The following UNC80 variants were observed in gnomAD, a reference collection of about 807,000 sequenced individuals.
UNC80 encodes unc-80 subunit of NALCN channel complex.
Under a neutral mutation model 384.6 loss-of-function variants are expected in UNC80, and 164 were observed. That is an observed-to-expected ratio of 0.43 (90% confidence interval 0.38 to 0.49). The LOEUF (loss-of-function observed/expected upper bound fraction) is 0.49, where lower values mean the gene tolerates loss of function less well. Ranked by LOEUF, UNC80 falls within the 20% of genes least tolerant of loss-of-function variation. The probability of loss-of-function intolerance (pLI) is 0.00; values close to 1 mark genes in which losing one functional copy is unlikely to be tolerated. For missense variants in UNC80, 3,330 were observed against 4,143.0 expected, an observed-to-expected ratio of 0.80 and a Z score of 5.39; for synonymous variants, 1,486 against 1,527.8, an observed-to-expected ratio of 0.97 and a Z score of 0.64.
intron 28 of UNC80, among the ~76,000 whole-genome samples, chr2:209,904,491 A>G (rs562062288): frequency 2.9e-4 from 44 of 152,358 alleles, no homozygotes; most frequent in African/African-American, 9.9e-4. Context: ...TTTGGAAACC[A>G]TACACTCCAC....
Position 209,913,953 on chromosome 2 carries a change from C to A in UNC80, c.5029+13C>A, listed in dbSNP as rs770793116. 9 of 1,535,270 alleles carry A rather than the reference C, an allele frequency of 5.9e-6. No individual in the cohort carries two copies. The East Asian group carries it at 1.5e-4, about 25-fold the overall frequency. On this transcript the variant is annotated intron_variant, in intron 31 of 64. Transcript: ENST00000673920. ...GCAGGGGCAGCAGGTAAAGAAAGAC[C>A]ACCTGGAACCCTGTGCCTGCTGCCA...
chr2:209,825,800 C>T, intron 13 of UNC80, 107 bp from the exon 14 acceptor site: 2 of 1,050,908 alleles, frequency 1.9e-6, no homozygotes, highest in Non-Finnish European at 2.5e-6. Flanking sequence ...GCAGGTGCTC[C>T]CTGTAAAACA....
chr2:209,863,046 C>T (rs1356520060), intron 22 of UNC80, among the ~76,000 whole-genome samples: 5 of 152,300 alleles, frequency 3.3e-5, no homozygotes, highest in African/African-American at 1.2e-4. Flanking sequence ...TGAAATTCCT[C>T]AGCATTTGCT....
intron 59 of UNC80, among the ~76,000 whole-genome samples, 162 bp downstream of exon 59, chr2:209,978,870 GC>G (rs1420505885): frequency 6.6e-6 from 1 of 152,178 alleles, no homozygotes; most frequent in Non-Finnish European, 1.5e-5. Flanking sequence ...GATTCCTAAT[GC>G]CTGCATTTCT....
chr2:209,894,265 G>A lies in UNC80; in HGVS notation c.4379G>A (p.Arg1460Gln), dbSNP rs1179408225. The A allele has an allele frequency of 5.1e-6, 5 of 985,264 alleles. No individual in the cohort carries two copies. The African/African-American group carries it at 5.2e-5, about 10-fold the overall frequency. 61.0% of individuals were successfully genotyped at this position (985,264 alleles called of 1,614,324 possible). A position where few individuals can be genotyped will look rare whatever the true frequency, so the allele number is the denominator to read the frequency against. The change falls in exon 27 of 65, where the codon CGG becomes CAG. Residue 1460 changes from arginine (R) to glutamine (Q), a missense_variant. Physicochemically the swap from Arg to Gln is conservative, Grantham distance 43. Coordinates refer to ENST00000673920, the MANE Select transcript of UNC80 (RefSeq NM_001371986.1). Reference protein sequence around the residue: ...KKGGSLSSIRRVGSLKSSKLS... With the variant: ...KKGGSLSSIRQVGSLKSSKLS... ...GGGGGTTCCTTGTCCAGCATTCGCC[G>A]GGTCGGCAGCTTAAAGAGCAGCAAG... is the stretch of plus-strand genomic sequence containing the variant.
At chr2:209,945,298 C>A in intron 46 of UNC80, 109 bp downstream of exon 46, 3 of 1,158,270 alleles carry the variant, frequency 2.6e-6, no homozygotes, top group South Asian at 2.4e-5. Flanking sequence ...GTATATATAA[C>A]TAAATCAAAG....
chr2:209,862,649 CTTTTTTT>C (rs71043955), intron 22 of UNC80, among the ~76,000 whole-genome samples: 2 of 78,822 alleles, frequency 2.5e-5, no homozygotes, highest in South Asian at 4.9e-4. Context: ...GCAACCTCTG[CTTTTTTT>C]TTTTTTTTTT....
At chr2:209,932,584 C>G (rs1365322642) in intron 38 of UNC80, among the ~76,000 whole-genome samples, 1 of 152,166 alleles carries the variant, frequency 6.6e-6, no homozygotes. Flanking sequence ...TTTAGCTCCG[C>G]AACAAAAATA....
intron 36 of UNC80, 78 bp from the exon 37 acceptor site, chr2:209,929,793 T>G: frequency 8.9e-7 from 1 of 1,127,312 alleles, no homozygotes; most frequent in Non-Finnish European, 1.2e-6. Context: ...AGACTAAAGC[T>G]TGTAAATTGT....
Position 209,880,963 on chromosome 2 carries a change from A to G in UNC80, c.3979A>G (p.Thr1327Ala). 6.4e-7 allele frequency: 1 copy of G among 1,551,946 alleles called. No individual in the cohort carries two copies. Among genetic ancestry groups the G allele is most frequent in the Non-Finnish European group, 8.7e-7 (1 of 1,147,006 alleles). ...GAAAGAACACTTTCATTTCCTAGGT[A>G]CTGTGAACCCCTCTAAATGCGGTTG... ...DEEEDFLDDSTVNPSKCGCPF... is the reference protein window; with the variant it reads ...DEEEDFLDDSAVNPSKCGCPF... Residue 1327 changes from threonine to alanine, a missense_variant and splice_region_variant, in exon 25 of 65, where the codon ACT becomes GCT. By Grantham distance (58) the Thr-to-Ala change is moderately conservative. Around this residue, in one of 8 missense-constraint regions of UNC80, gnomAD observed 801 missense variants for 950.8 expected, o/e 0.84. Transcript: ENST00000673920.
intron 12 of UNC80, among the ~76,000 whole-genome samples, chr2:209,819,894 A>AGGAAATCATT (rs1388934581): frequency 6.6e-6 from 1 of 152,244 alleles, no homozygotes; most frequent in African/African-American, 2.4e-5. Context: ...AACGAGCAAA[A>AGGAAATCATT]GGAAATCATT....
chr2:209,982,150 G>T, intron 59 of UNC80, 29 bp from the exon 60 acceptor site: 1 of 1,543,154 alleles, frequency 6.5e-7, no homozygotes, highest in Non-Finnish European at 8.8e-7. Flanking sequence ...CATAGTTTTT[G>T]TAACACTCTA....
intron 7 of UNC80, 97 bp from the exon 8 acceptor site, chr2:209,813,479 ATAAC>A: frequency 7.9e-7 from 1 of 1,265,566 alleles, no homozygotes; most frequent in Non-Finnish European, 1.1e-6. Flanking sequence ...AAGTAAATGA[ATAAC>A]TAAACAAATG....
chr2:209,909,698 A>T (rs1201134836), intron 29 of UNC80, among the ~76,000 whole-genome samples: 1 of 152,182 alleles, frequency 6.6e-6, no homozygotes, highest in Non-Finnish European at 1.5e-5. Flanking sequence ...TTGGTTTTGC[A>T]TTGGTAATCT....
At position 209,850,543 on chromosome 2, in the gene UNC80, CTG is replaced by C. The variant is rs1406008779; in HGVS notation, c.3627+923_3627+924del. Among the ~76,000 whole-genome samples, 3 of 152,206 alleles carry C rather than the reference CTG, an allele frequency of 2.0e-5. No individual in the cohort carries two copies. The East Asian group carries it at 5.8e-4, about 29-fold the overall frequency. On this transcript the variant is annotated intron_variant, in intron 22 of 64. Coordinates refer to ENST00000673920, the MANE Select transcript of UNC80 (RefSeq NM_001371986.1). Reference sequence around the variant, plus strand: ...TTATAATGTAATTCATGAAATTTCTCTGTGACATTTGCAGCTTTTGCTCTAAG... The same window carrying C: ...TTATAATGTAATTCATGAAATTTCTCTGACATTTGCAGCTTTTGCTCTAAG...
At chr2:209,969,989 C>T (rs1409927243) in intron 53 of UNC80, 98 bp downstream of exon 53, 2 of 1,441,914 alleles carry the variant, frequency 1.4e-6, no homozygotes, top group Admixed American at 2.3e-5. Flanking sequence ...ACTTTGTGCC[C>T]CTATCTGCCC....
In UNC80 at chr2:209,888,082, A is replaced by G; in HGVS notation, c.4111-13A>G. The G allele has an allele frequency of 5.2e-6, 8 of 1,551,566 alleles. No homozygotes were observed. The highest frequency in any genetic ancestry group is 4.8e-5 in the South Asian group (4 of 84,058). On this transcript the variant is annotated splice_polypyrimidine_tract_variant and intron_variant, in intron 25 of 64. Coordinates refer to ENST00000673920, the MANE Select transcript of UNC80 (RefSeq NM_001371986.1). ...AGATGCCAGCACTCATGTGCTCCTCACTGGCATTTTAGGACTTGGAGAGCT... is the reference window on the plus strand; with the variant it reads ...AGATGCCAGCACTCATGTGCTCCTCGCTGGCATTTTAGGACTTGGAGAGCT...
rs575136465 is a variant in UNC80, at chr2:209,791,096, T to C, written c.798+1491T>C. ...TTATGTTGCTCAGATGTTTTCTTTA[T>C]TGTTTATGACCACTACTATCCTCTA... On this transcript the variant is annotated intron_variant, in intron 6 of 64. Coordinates refer to ENST00000673920, the MANE Select transcript of UNC80 (RefSeq NM_001371986.1). Among the ~76,000 whole-genome samples the C allele has an allele frequency of 1.3e-4, 20 of 152,336 alleles. No homozygotes were observed. In the South Asian group the frequency reaches 4.1e-3, roughly 32 times the overall value.
chr2:209,850,400 T>G (rs538776306), intron 22 of UNC80, among the ~76,000 whole-genome samples: 1 of 152,266 alleles, frequency 6.6e-6, no homozygotes, highest in East Asian at 1.9e-4. Flanking sequence ...TGAAATAGAT[T>G]TTTATTAGAA....
Sources: allele counts gnomAD v4.1 joint callset (sites outside exome capture counted in the v4.1 genomes callset), GRCh38; gene constraint gnomAD v4.1.1; regional missense constraint gnomAD v4.1.1; transcripts MANE v1.5; gene names NCBI Gene and HGNC (gene_info 2026-07-23, HGNC 2026-07-21).